The following CSNK1D variants were observed in gnomAD, a reference collection of about 807,000 sequenced individuals.
The protein encoded by CSNK1D is casein kinase I isoform delta.
In CSNK1D, 16 loss-of-function variants were observed where a neutral mutation model predicts 46.6. The observed-to-expected ratio is 0.34, with a 90% CI of 0.23 to 0.52. The LOEUF is 0.52. Among genes scored for constraint, CSNK1D ranks in the 20% least tolerant of loss-of-function variants. The probability of loss-of-function intolerance (pLI) is 0.95; values close to 1 mark genes in which losing one functional copy is unlikely to be tolerated. For missense variants in CSNK1D, 398 were observed against 578.4 expected (o/e 0.69, Z 3.20); for synonymous variants, 276 against 228.2 (o/e 1.21, Z -1.89).
intron 1 of CSNK1D, among the ~76,000 whole-genome samples, chr17:82,270,889 T>C (rs2051604488): frequency 6.6e-6 from 1 of 152,172 alleles, no homozygotes; most frequent in Non-Finnish European, 1.5e-5. Context: ...GTATCCAGCA[T>C]GACTGTATGC....
chr17:82,273,251 T>A lies in CSNK1D; in HGVS notation c.76+55A>T. ...TTCCTTCCGCGATCGCGCTTGGTCT[T>A]GGCAGCCGCAGGGCCCGGGTCTTCG... is the stretch of plus-strand genomic sequence containing the variant. On this transcript the variant is annotated intron_variant, in intron 1 of 8. Coordinates refer to ENST00000314028, the MANE Select transcript of CSNK1D (RefSeq NM_001893.6). This position sits in a 1 kb window ranked among gnomAD's most constrained non-coding sequence, Gnocchi z 5.1. The A allele has an allele frequency of 6.5e-7, 1 of 1,548,030 alleles. No individual in the cohort carries two copies. The highest frequency in any genetic ancestry group is 8.8e-7 in the Non-Finnish European group (1 of 1,142,688).
chr17:82,266,117 C>A (rs1485509406), intron 1 of CSNK1D, among the ~76,000 whole-genome samples: 1 of 152,222 alleles, frequency 6.6e-6, no homozygotes, highest in Non-Finnish European at 1.5e-5. Flanking sequence ...CAGCCCTGCC[C>A]AAGGCCCCTG....
chr17:82,261,632 C>G (rs1407467370), intron 2 of CSNK1D, among the ~76,000 whole-genome samples: 1 of 152,094 alleles, frequency 6.6e-6, no homozygotes. Flanking sequence ...GACAAAGCAA[C>G]AAAAACTTAC....
rs1599589497 is a variant in CSNK1D at position 82,252,575 on chromosome 17, G to A, written c.595C>T (p.Leu199=). The A allele has an allele frequency of 1.9e-6, 3 of 1,613,896 alleles. No individual in the cohort carries two copies. The highest frequency in any genetic ancestry group is 2.2e-5 in the East Asian group (1 of 44,894). ...EQSRRDDLES[L]GYVLMYFNLG... ...TTGAAGTACATTAGCACGTAGCCCA[G>A]AGACTCCAAGTCATCTCTTCGGGAT... Residue 199 remains leucine (L), a synonymous_variant, in exon 5 of 9, where the codon CTG becomes TTG. Coordinates refer to ENST00000314028, the MANE Select transcript of CSNK1D (RefSeq NM_001893.6). This position sits in a 1 kb window ranked among gnomAD's most constrained non-coding sequence, Gnocchi z 4.6.
chr17:82,269,096 TAAAAAAAAAA>T (rs766007194), intron 1 of CSNK1D, among the ~76,000 whole-genome samples: 14 of 105,380 alleles, frequency 1.3e-4, no homozygotes, highest in Admixed American at 1.2e-3. Context: ...TACTTTGTCT[TAAAAAAAAAA>T]AAAAAAAAAA....
rs1362006957 is a variant in CSNK1D at position 82,252,005 on chromosome 17, A to AG, written c.736+428dup. On this transcript the variant is annotated intron_variant, in intron 5 of 8. Transcript: ENST00000314028. This position sits in a 1 kb window ranked among gnomAD's most constrained non-coding sequence, Gnocchi z 4.6. Reference sequence around the variant, plus strand: ...TGAGACTGTGTCTTAAAAAAAAAAAAGAAGTCATAAAGCACAATTTAGTTT... The same window carrying AG: ...TGAGACTGTGTCTTAAAAAAAAAAAAGGAAGTCATAAAGCACAATTTAGTTT... 1.3e-5 allele frequency among the ~76,000 whole-genome samples: 2 copies of AG among 151,948 alleles called. No individual in the cohort carries two copies. Among genetic ancestry groups the AG allele is most frequent in the Non-Finnish European group, 2.9e-5 (2 of 67,978 alleles).
Position 82,248,329 on chromosome 17 carries a change from G to C in CSNK1D, c.1197+546C>G. Reference sequence around the variant, plus strand: ...GCTGAAGAGGCGGTGGCCGTGGCTAGGCCTGGGCTGCGCAACAGGGTACTT... The same window carrying C: ...GCTGAAGAGGCGGTGGCCGTGGCTACGCCTGGGCTGCGCAACAGGGTACTT... On this transcript the variant is annotated intron_variant, in intron 8 of 8. Transcript: ENST00000314028. This position sits in a 1 kb window ranked among gnomAD's most constrained non-coding sequence, Gnocchi z 4.1. 2.0e-6 allele frequency: 2 copies of C among 994,652 alleles called. No homozygotes were observed. Among genetic ancestry groups the C allele is most frequent in the South Asian group, 4.4e-5 (1 of 22,812 alleles). 61.6% of individuals were successfully genotyped at this position (994,652 alleles called of 1,614,324 possible).
intron 8 of CSNK1D, chr17:82,246,518 C>A (rs2050854036): frequency 1.9e-6 from 2 of 1,070,372 alleles, no homozygotes; most frequent in South Asian, 5.5e-5. Flanking sequence ...CAAACAGACT[C>A]AGCAACTAGA....
chr17:82,246,476 G>A (rs758686961), intron 8 of CSNK1D: 14 of 1,110,434 alleles, frequency 1.3e-5, no homozygotes, highest in Non-Finnish European at 1.6e-5. Flanking sequence ...CTGTTGGAAT[G>A]ACAAGGCCTT....
chr17:82,259,474 G>A (rs560508747), intron 2 of CSNK1D, among the ~76,000 whole-genome samples: 3 of 152,318 alleles, frequency 2.0e-5, no homozygotes, highest in South Asian at 4.1e-4. Context: ...CTGCAGGGGG[G>A]AATGGAAATC....
At chr17:82,272,187 A>C (rs1490405049) in intron 1 of CSNK1D, 1 of 152,348 alleles carries the variant, frequency 6.6e-6, no homozygotes, top group South Asian at 2.0e-4. Context: ...TCTACTAAAA[A>C]TACGAAATTA....
At chr17:82,242,521 C>CTCT (rs2050755584), downstream of CSNK1D, 1 of 79,528 alleles carries the variant, frequency 1.3e-5, no homozygotes, top group Non-Finnish European at 1.4e-5. Context: ...CAGGGGGCAG[C>CTCT]TCTCCTGCTC....
intron 1 of CSNK1D, among the ~76,000 whole-genome samples, chr17:82,267,481 C>A (rs907435134): frequency 2.6e-5 from 4 of 152,178 alleles, no homozygotes; most frequent in Non-Finnish European, 5.9e-5. Context: ...CCCCTTGCCA[C>A]TGCTGCGTTC....
chr17:82,269,857 G>A (rs2051573755), intron 1 of CSNK1D, among the ~76,000 whole-genome samples: 1 of 152,254 alleles, frequency 6.6e-6, no homozygotes, highest in South Asian at 2.1e-4. Flanking sequence ...TGGTTCTGGG[G>A]CTGGGAACTC....
intron 1 of CSNK1D, among the ~76,000 whole-genome samples, chr17:82,272,810 T>C (rs1420322581): frequency 1.3e-5 from 2 of 152,154 alleles, no homozygotes; most frequent in Admixed American, 6.5e-5. Flanking sequence ...AGAAAGAGCG[T>C]GGCCTTTGTT....
Position 82,248,909 on chromosome 17 carries a change from C to T in CSNK1D, c.1163G>A (p.Gly388Asp), listed in dbSNP as rs1271736608. ...GGACATGCGAGAGGTATCTTGTCGG[C>T]CTGTGAGGTCGGACGAGGAGATGTT... ...PVNISSSDLT[G>D]RQDTSRMSTS... Residue 388 changes from glycine to aspartate, a missense_variant, in exon 8 of 9, where the codon GGC (glycine) becomes GAC (aspartate). By Grantham distance (94) the Gly-to-Asp change is moderately conservative. This residue lies in a region of CSNK1D where 181 missense variants were observed against 208.0 expected (regional missense o/e 0.87). Coordinates refer to ENST00000314028, the MANE Select transcript of CSNK1D (RefSeq NM_001893.6). The surrounding 1 kb of genome is among the most constrained non-coding windows in gnomAD (Gnocchi z 4.1). The T allele has an allele frequency of 6.2e-7, 1 of 1,609,874 alleles. No homozygotes were observed. The highest frequency in any genetic ancestry group is 2.2e-5 in the East Asian group (1 of 44,752).
At position 82,255,418 on chromosome 17, in the gene CSNK1D, A is replaced by C; in HGVS notation, c.336+11T>G. ...GCAAGTGTGTGCCAACTGTCAGGAA[A>C]CAGTCCTTACCATTTGGTCAGCAAG... On this transcript the variant is annotated intron_variant, in intron 3 of 8. Transcript: ENST00000314028. The surrounding 1 kb of genome is among the most constrained non-coding windows in gnomAD (Gnocchi z 5.9). 6.2e-7 allele frequency: 1 copy of C among 1,614,180 alleles called. No individual in the cohort carries two copies. Among genetic ancestry groups the C allele is most frequent in the Non-Finnish European group, 8.5e-7 (1 of 1,180,026 alleles).
At chr17:82,240,053 C>T (rs895203929), downstream of CSNK1D, 3 of 1,233,726 alleles carry the variant, frequency 2.4e-6, no homozygotes, top group Admixed American at 4.2e-5. Context: ...GATGCCATGT[C>T]CCTGCTCCTC....
rs1164659246 is a variant in CSNK1D, at chr17:82,243,191, TG to T, written c.*1589del. 1.5e-5 allele frequency: 15 copies of T among 985,120 alleles called. No individual in the cohort carries two copies. Among genetic ancestry groups the T allele is most frequent in the Admixed American group, 6.2e-5 (1 of 16,246 alleles). 61.0% of individuals were successfully genotyped at this position (985,120 alleles called of 1,614,324 possible). A position where few individuals can be genotyped will look rare whatever the true frequency, so the allele number is the denominator to read the frequency against. On this transcript the variant is annotated 3_prime_UTR_variant, in exon 9 of 9. Coordinates refer to ENST00000314028, the MANE Select transcript of CSNK1D (RefSeq NM_001893.6). The stretch of plus-strand genomic sequence containing the variant: ...CTCAGGCAGACGGCCAGCCAGCTGG[TG>T]GGGGGGTGAACAACTGTGTTCTGGG...
Sources: allele counts gnomAD v4.1 joint callset (sites outside exome capture counted in the v4.1 genomes callset), GRCh38; gene constraint gnomAD v4.1.1; regional missense constraint gnomAD v4.1.1; non-coding constraint Gnocchi (gnomAD v3.1); transcripts MANE v1.5; gene names NCBI Gene and HGNC (gene_info 2026-07-23, HGNC 2026-07-21).